Variants in ASMTL observed in about 807,000 individuals in gnomAD.
ASMTL encodes the protein acetylserotonin O-methyltransferase like.
In ASMTL, 57 loss-of-function variants were observed where a neutral mutation model predicts 60.3. That is an observed-to-expected ratio of 0.95 (90% CI 0.76 to 1.18). The LOEUF (loss-of-function observed/expected upper bound fraction) is 1.18, where lower values mean the gene tolerates loss of function less well. ASMTL is among the 50% of genes most tolerant of loss of function. ASMTL has a pLI of 0.00. For synonymous variants in ASMTL, 419 were observed against 373.0 expected (o/e 1.12, Z -1.42); for missense variants, 981 against 852.6 (o/e 1.15, Z -1.88).
At chrX:1,439,016 C>G (rs1255160723) in intron 3 of ASMTL, 81 bp downstream of exon 3, 1 of 1,446,552 alleles carries the variant, frequency 6.9e-7, no homozygotes, top group Non-Finnish European at 9.7e-7. Context: ...GGGGAATGTA[C>G]AACATCCACA....
At position 1,452,874 on chromosome X, in the gene ASMTL, C is replaced by G. The variant is rs1356376067; in HGVS notation, c.-34G>C. On this transcript the variant is annotated 5_prime_UTR_variant, in exon 1 of 13. Coordinates refer to ENST00000381317, the MANE Select transcript of ASMTL (RefSeq NM_004192.4). ...CGCCGGGAGCCGGGCGTCCGCACTT[C>G]TGAGCCCGGAGCCCGCGGTGCGCGC... 1.2e-5 allele frequency: 18 copies of G among 1,480,136 alleles called. No individual in the cohort carries two copies. Among genetic ancestry groups the G allele is most frequent in the Non-Finnish European group, 1.4e-5 (16 of 1,110,794 alleles). The allele number at this position is 1,480,136 out of a possible 1,614,324, so 91.7% of individuals were successfully genotyped here.
At chrX:1,432,154 C>T in intron 6 of ASMTL, 115 bp downstream of exon 6, 2 of 819,790 alleles carry the variant, frequency 2.4e-6, no homozygotes, top group Non-Finnish European at 4.0e-6. Context: ...CTGTGCCACA[C>T]GGCCCCCGGA....
intron 8 of ASMTL, 71 bp downstream of exon 8, chrX:1,425,454 T>A: frequency 1.3e-6 from 2 of 1,558,576 alleles, no homozygotes; most frequent in Non-Finnish European, 1.7e-6. Context: ...CTGCCCAGGC[T>A]CCAGGTCACC....
chrX:1,451,505 C>A (rs2091383221), intron 1 of ASMTL, among the ~76,000 whole-genome samples: 2 of 143,124 alleles, frequency 1.4e-5, no homozygotes, highest in Non-Finnish European at 1.5e-5. Flanking sequence ...CTAGGGGGAT[C>A]CCGGCTTACT....
chrX:1,441,934 A>G (rs2091118683), intron 2 of ASMTL: 4 of 496,582 alleles, frequency 8.1e-6, no homozygotes, highest in Non-Finnish European at 1.1e-5. Context: ...TATATCATCA[A>G]TGATACTGTA....
intron 11 of ASMTL, among the ~76,000 whole-genome samples, chrX:1,417,032 CAG>C (rs1200187309): frequency 4.5e-5 from 1 of 22,064 alleles, no homozygotes; most frequent in Non-Finnish European, 6.9e-4. Flanking sequence ...CACAGAGACA[CAG>C]ACACAAGCAC....
At chrX:1,442,831 G>T (rs191872439) in intron 1 of ASMTL, among the ~76,000 whole-genome samples, 177 of 152,270 alleles carry the variant, frequency 1.2e-3, no homozygotes, top group Admixed American at 2.8e-3. Context: ...CCCTGGGGAG[G>T]CCTGGCCTAG....
intron 6 of ASMTL, among the ~76,000 whole-genome samples, chrX:1,429,137 C>T (rs1342487100): frequency 2.6e-5 from 4 of 151,418 alleles, no homozygotes; most frequent in South Asian, 2.1e-4. Context: ...TCAGGTGATG[C>T]GCCTGCCTCG....
At chrX:1,417,142 CAGCAG>C (rs2090314589) in intron 11 of ASMTL, among the ~76,000 whole-genome samples, 1 of 151,444 alleles carries the variant, frequency 6.6e-6, no homozygotes, top group Non-Finnish European at 1.5e-5. Flanking sequence ...CACACAACCA[CAGCAG>C]TCACATATGC....
At chrX:1,430,632 C>T (rs1163367302) in intron 6 of ASMTL, among the ~76,000 whole-genome samples, 6 of 151,446 alleles carry the variant, frequency 4.0e-5, no homozygotes, top group East Asian at 1.9e-4. Context: ...ATTAGCCAGG[C>T]GTGGTGGTAT....
rs1418553157 is a variant in ASMTL, at chrX:1,418,078, A to C, written c.1417T>G (p.Tyr473Asp). 1 of 1,612,434 alleles carries C rather than the reference A, an allele frequency of 6.2e-7. No individual in the cohort carries two copies. Among genetic ancestry groups the C allele is most frequent in the African/African-American group, 1.3e-5 (1 of 75,024 alleles). ...AACACAGTCACCTGCATACGAGGGT[A>C]CTCACGGGCCAGCTCTCGGGCCAGT... Reference protein sequence around the residue: ...GALARELAREYPRMQVTVFDL... With the variant: ...GALARELAREDPRMQVTVFDL... Residue 473 changes from tyrosine to aspartate, a missense_variant, in exon 11 of 13, where the codon TAC (tyrosine) becomes GAC (aspartate). Tyr to Asp is a radical substitution (Grantham distance 160). Coordinates refer to ENST00000381317, the MANE Select transcript of ASMTL (RefSeq NM_004192.4).
At chrX:1,412,424 C>T (rs1371546527) in intron 12 of ASMTL, among the ~76,000 whole-genome samples, 1 of 152,114 alleles carries the variant, frequency 6.6e-6, no homozygotes, top group Non-Finnish European at 1.5e-5. Flanking sequence ...GACGGGGTTT[C>T]ACCATGTTGG....
At chrX:1,407,901 AAG>A (rs1183075237) in intron 12 of ASMTL, among the ~76,000 whole-genome samples, 1 of 148,246 alleles carries the variant, frequency 6.7e-6, no homozygotes, top group Non-Finnish European at 1.5e-5. Context: ...GAAGAGGGAG[AAG>A]AGAGAGAAAG....
Position 1,415,029 on chromosome X carries a change from C to T in ASMTL, c.1523-2175G>A, listed in dbSNP as rs772836251. ...GATCTCGGCTCACGGCAAGCTCCGC[C>T]TCCCGGGTTCAAGCGATTCTCCTGC... On this transcript the variant is annotated intron_variant, in intron 11 of 12. Coordinates refer to ENST00000381317, the MANE Select transcript of ASMTL (RefSeq NM_004192.4). 1.6e-4 allele frequency among the ~76,000 whole-genome samples: 24 copies of T among 149,516 alleles called. No homozygotes were observed. In the East Asian group the frequency reaches 4.8e-3, roughly 30 times the overall value.
intron 8 of ASMTL, among the ~76,000 whole-genome samples, chrX:1,424,371 C>CCCTCCCATCCATCTATCCAT (rs1449955292): frequency 6.7e-6 from 1 of 149,400 alleles, no homozygotes; most frequent in Admixed American, 6.7e-5. Flanking sequence ...TGTTCATCCA[C>CCCTCCCATCCATCTATCCAT]CCTCCCATCC....
rs1569532553 is a variant in ASMTL at position 1,419,579 on chromosome X, C to CGGAG, written c.1246-466_1246-465insCTCC. Among the ~76,000 whole-genome samples the CGGAG allele has an allele frequency of 4.6e-5, 7 of 151,996 alleles. No individual in the cohort carries two copies. In the South Asian group the frequency reaches 6.3e-4, roughly 14 times the overall value. ...CTGGTGTGCAGAGGAGAAGCTCCTCCGAGCTTCTCCAAGTCCCCCCAGTGG... is the reference window on the plus strand; with the variant it reads ...CTGGTGTGCAGAGGAGAAGCTCCTCCGGAGGAGCTTCTCCAAGTCCCCCCAGTGG... On this transcript the variant is annotated intron_variant, in intron 9 of 12. Coordinates refer to ENST00000381317, the MANE Select transcript of ASMTL (RefSeq NM_004192.4).
At chrX:1,436,269 G>T (rs1372353941) in intron 3 of ASMTL, among the ~76,000 whole-genome samples, 3 of 152,198 alleles carry the variant, frequency 2.0e-5, no homozygotes, top group Non-Finnish European at 4.4e-5. Flanking sequence ...CGCCTCCGGG[G>T]TTCAAGTGAT....
Position 1,452,761 on chromosome X carries a change from A to G in ASMTL, c.80T>C (p.Ile27Thr). Reference protein sequence around the residue: ...LASASPRRQEILSNAGLRFEV... With the variant: ...LASASPRRQETLSNAGLRFEV... ...CCCAGGCCGTACCGCGTTGCTGAGG[A>G]TCTCCTGACGGCGTGGGGAGGCGCT... Residue 27 changes from isoleucine to threonine, a missense_variant, in exon 1 of 13, where the codon ATC becomes ACC. Transcript: ENST00000381317. The G allele has an allele frequency of 6.3e-6, 10 of 1,593,414 alleles. No individual in the cohort carries two copies. The highest frequency in any genetic ancestry group is 6.8e-6 in the Non-Finnish European group (8 of 1,175,926).
chrX:1,432,056 CCT>C (rs1569533800), intron 6 of ASMTL: 3 of 595,956 alleles, frequency 5.0e-6, no homozygotes, highest in East Asian at 5.6e-5. Context: ...CCACCCTGCC[CCT>C]CTCTGTCCTG....
Sources: allele counts gnomAD v4.1 joint callset (sites outside exome capture counted in the v4.1 genomes callset), GRCh38; gene constraint gnomAD v4.1.1; transcripts MANE v1.5; gene names NCBI Gene and HGNC (gene_info 2026-07-23, HGNC 2026-07-21).